WHRN: variants seen among roughly 807,000 people sequenced by gnomAD.
The protein encoded by WHRN is CASK-interacting protein CIP98.
Under a neutral mutation model 68.3 loss-of-function variants are expected in WHRN, and 41 were observed. The ratio of observed to expected loss-of-function variants is 0.60; its 90% CI spans 0.47 to 0.78. The LOEUF is 0.78. WHRN is among the 30% of genes least tolerant of loss of function. The pLI, the probability that WHRN is intolerant of heterozygous loss-of-function variation, is 0.00. For synonymous variants in WHRN, 560 were observed against 561.3 expected (o/e 1.00, Z 0.03); for missense variants, 1,243 against 1,244.7 (o/e 1.00, Z 0.02).
intron 7 of WHRN, 140 bp from the exon 8 acceptor site, chr9:114,408,158 C>T (rs1835176094): frequency 1.4e-6 from 1 of 722,314 alleles, no homozygotes; most frequent in Non-Finnish European, 2.5e-6. Flanking sequence ...CTCACTTCAT[C>T]GAAATTCACT....
Position 114,504,805 on chromosome 9 carries a change from C to A in WHRN, c.-4G>T. 7.1e-7 allele frequency: 1 copy of A among 1,418,108 alleles called. No homozygotes were observed. The highest frequency in any genetic ancestry group is 1.5e-5 in the South Asian group (1 of 64,728). 87.8% of individuals were successfully genotyped at this position (1,418,108 alleles called of 1,614,324 possible). ...GGCCGTCCAGCGGCGCGTTCATCTC[C>A]ACGCCGAGGCCCGGCCGGGCTCTGA... On this transcript the variant is annotated 5_prime_UTR_variant, in exon 1 of 12. Coordinates refer to ENST00000362057, the MANE Select transcript of WHRN (RefSeq NM_015404.4).
rs756217407 is a variant in WHRN at position 114,406,473 on chromosome 9, T to C, written c.2118A>G (p.Pro706=). 40 of 1,613,776 alleles carry C rather than the reference T, an allele frequency of 2.5e-5. No individual in the cohort carries two copies. In the South Asian group the frequency reaches 3.8e-4, roughly 16 times the overall value. The change falls in exon 9 of 12, where the codon CCA becomes CCG. Residue 706 remains proline (P), a synonymous_variant. Coordinates refer to ENST00000362057, the MANE Select transcript of WHRN (RefSeq NM_015404.4). ...TCTGGTCTGGGTGGCCAGAGGGTGA[T>C]GGGGGCAGAAGGCAGCCCCCAGCCA... ...ATVAGGCLLP[P]SPSGHPDQTG... is the part of the protein sequence containing the mutation.
At chr9:114,430,744 C>A (rs931140646) in intron 3 of WHRN, among the ~76,000 whole-genome samples, 1 of 152,166 alleles carries the variant, frequency 6.6e-6, no homozygotes. Context: ...GCCTGGGGAA[C>A]GGCTGTGAAA....
intron 2 of WHRN, among the ~76,000 whole-genome samples, chr9:114,467,893 G>A (rs1840862940): frequency 6.6e-6 from 1 of 152,166 alleles, no homozygotes; most frequent in Non-Finnish European, 1.5e-5. Context: ...AGGGAGCGGT[G>A]GGAGAACCTT....
At chr9:114,424,574 G>T in intron 5 of WHRN, 28 bp from the exon 6 acceptor site, 1 of 1,582,488 alleles carries the variant, frequency 6.3e-7, no homozygotes, top group East Asian at 2.3e-5. Flanking sequence ...AGAAGCCCAG[G>T]AATTCTTAGC....
At chr9:114,424,637 T>A in intron 5 of WHRN, 91 bp from the exon 6 acceptor site, 1 of 1,374,472 alleles carries the variant, frequency 7.3e-7, no homozygotes, top group Non-Finnish European at 1.0e-6. Flanking sequence ...CCATCCTGTC[T>A]AAGTGTGGTG....
At chr9:114,425,905 GA>G in intron 4 of WHRN, 1 of 442,488 alleles carries the variant, frequency 2.3e-6, no homozygotes, top group Non-Finnish European at 4.2e-6. Flanking sequence ...ACAGATCTGG[GA>G]TGAGGGCAGG....
At chr9:114,472,470 CT>C (rs1476525140) in intron 2 of WHRN, among the ~76,000 whole-genome samples, 1 of 152,206 alleles carries the variant, frequency 6.6e-6, no homozygotes, top group Non-Finnish European at 1.5e-5. Flanking sequence ...CAGATCCTTT[CT>C]TTTGTCACCT....
chr9:114,445,409 T>C (rs561014167), intron 3 of WHRN, among the ~76,000 whole-genome samples: 5 of 152,294 alleles, frequency 3.3e-5, no homozygotes, highest in Admixed American at 3.3e-4. Context: ...TGGGAAGAAA[T>C]AGGCCAAACT....
At chr9:114,478,922 T>C in intron 1 of WHRN, 151 bp from the exon 2 acceptor site, 2 of 756,812 alleles carry the variant, frequency 2.6e-6, no homozygotes, top group African/African-American at 1.7e-5. Flanking sequence ...TAGCCCTCGA[T>C]TTTGTCCTGT....
At chr9:114,466,160 G>C in intron 3 of WHRN, 107 bp downstream of exon 3, 1 of 1,559,940 alleles carries the variant, frequency 6.4e-7, no homozygotes, top group Non-Finnish European at 8.7e-7. Context: ...CCCCAGCTGG[G>C]ACCAGTCCTC....
intron 3 of WHRN, among the ~76,000 whole-genome samples, chr9:114,450,957 C>T (rs1282928452): frequency 6.6e-6 from 1 of 152,158 alleles, no homozygotes; most frequent in Non-Finnish European, 1.5e-5. Context: ...ATCTGGGCCA[C>T]GGGTCCCCCT....
At chr9:114,418,436 T>A (rs1197463826) in intron 7 of WHRN, among the ~76,000 whole-genome samples, 1 of 152,170 alleles carries the variant, frequency 6.6e-6, no homozygotes, top group African/African-American at 2.4e-5. Flanking sequence ...CCCACAGACC[T>A]CTGGGTGTGG....
intron 1 of WHRN, among the ~76,000 whole-genome samples, chr9:114,483,309 T>C (rs1452819284): frequency 2.6e-5 from 4 of 152,160 alleles, no homozygotes; most frequent in Admixed American, 2.6e-4. Flanking sequence ...GCTCCATCCA[T>C]TGCTGTTTAA....
intron 1 of WHRN, among the ~76,000 whole-genome samples, chr9:114,481,664 C>A (rs372847145): frequency 1.3e-5 from 2 of 152,214 alleles, no homozygotes; most frequent in African/African-American, 4.8e-5. Flanking sequence ...CTGTTCCGCC[C>A]GGCCTGCCTC....
chr9:114,451,906 G>C (rs971470794), intron 3 of WHRN, among the ~76,000 whole-genome samples: 2 of 152,172 alleles, frequency 1.3e-5, no homozygotes, highest in Non-Finnish European at 2.9e-5. Flanking sequence ...GTAAAATAGG[G>C]ATAATACCAG....
intron 5 of WHRN, 73 bp from the exon 6 acceptor site, chr9:114,424,619 C>T (rs1433810468): frequency 6.8e-7 from 1 of 1,474,122 alleles, no homozygotes; most frequent in African/African-American, 1.4e-5. Context: ...CACTCCCCCT[C>T]TGCCCTTCCA....
In WHRN at chr9:114,504,955, A is replaced by AG; in HGVS notation, c.-155dup. The AG allele has an allele frequency of 8.6e-7, 1 of 1,157,024 alleles. No homozygotes were observed. Among genetic ancestry groups the AG allele is most frequent in the Non-Finnish European group, 1.1e-6 (1 of 902,022 alleles). 71.7% of individuals were successfully genotyped at this position (1,157,024 alleles called of 1,614,324 possible). On this transcript the variant is annotated 5_prime_UTR_variant, in exon 1 of 12. Transcript: ENST00000362057. ...AGCACGGGTACAGTGGCTGGATCCTAGGGGGTCGCGGAGACCGCTGCTAGA... is the reference window on the plus strand; with the variant it reads ...AGCACGGGTACAGTGGCTGGATCCTAGGGGGGTCGCGGAGACCGCTGCTAGA...
chr9:114,439,636 A>AGATATATGTGTGTACACACATG (rs55955051), intron 3 of WHRN, among the ~76,000 whole-genome samples: 181 of 26,690 alleles, frequency 6.8e-3, no homozygotes, highest in African/African-American at 0.01. Flanking sequence ...ACACACACAT[A>AGATATATGTGTGTACACACATG]GATATATGTG....
Sources: allele counts gnomAD v4.1 joint callset (sites outside exome capture counted in the v4.1 genomes callset), GRCh38; gene constraint gnomAD v4.1.1; transcripts MANE v1.5; gene names NCBI Gene and HGNC (gene_info 2026-07-23, HGNC 2026-07-21).